MARCHF11: variants seen among roughly 807,000 people sequenced by gnomAD.
MARCHF11 encodes membrane associated ring-CH-type finger 11, also known as E3 ubiquitin-protein ligase MARCHF11.
A neutral mutation model predicts 37.3 loss-of-function variants in MARCHF11; 29 were observed. The observed-to-expected ratio is 0.78, with a 90% confidence interval of 0.58 to 1.06. The LOEUF is 1.06. Among genes scored for constraint, MARCHF11 ranks in the 50% least tolerant of loss-of-function variants. The pLI, the probability that MARCHF11 is intolerant of heterozygous loss-of-function variation, is 0.00. For synonymous variants in MARCHF11, 233 were observed against 228.0 expected (o/e 1.02, Z -0.20); for missense variants, 482 against 533.4 (o/e 0.90, Z 0.95).
chr5:16,179,618 C>T lies in MARCHF11; in HGVS notation c.-43G>A. On this transcript the variant is annotated 5_prime_UTR_variant, in exon 1 of 4. Transcript: ENST00000332432. ...CCTCCTGCCGGCCCGGCTGGCGGGC[C>T]GGGCTCTGGCTGCAGGGAAAGAGAG... The T allele has an allele frequency of 2.0e-6, 2 of 997,180 alleles. No individual in the cohort carries two copies. Among genetic ancestry groups the T allele is most frequent in the Non-Finnish European group, 2.4e-6 (2 of 840,780 alleles). 61.8% of individuals were successfully genotyped at this position (997,180 alleles called of 1,614,324 possible).
intron 3 of MARCHF11, among the ~76,000 whole-genome samples, chr5:16,070,953 CCT>C (rs972779627): frequency 1.3e-5 from 2 of 152,130 alleles, no homozygotes; most frequent in African/African-American, 2.4e-5. Context: ...CATTTTTCCC[CCT>C]TTTTCTTTAA....
chr5:16,152,278 G>C (rs1737902226), intron 2 of MARCHF11, among the ~76,000 whole-genome samples: 1 of 151,880 alleles, frequency 6.6e-6, no homozygotes, highest in African/African-American at 2.4e-5. Context: ...TTAAAGAACT[G>C]TTCCCATTTC....
chr5:16,177,956 T>C, intron 1 of MARCHF11, 75 bp from the exon 2 acceptor site: 2 of 1,425,070 alleles, frequency 1.4e-6, no homozygotes, highest in Non-Finnish European at 1.9e-6. Context: ...TCCTTTCTTT[T>C]CTTTCAAAGC....
intron 3 of MARCHF11, among the ~76,000 whole-genome samples, chr5:16,075,167 G>A (rs1226436235): frequency 6.6e-6 from 1 of 152,142 alleles, no homozygotes. Flanking sequence ...CATCCCCCAC[G>A]TCAATTAAAC....
chr5:16,160,540 T>A lies in MARCHF11; in HGVS notation c.693+17186A>T, dbSNP rs185872030. Among the ~76,000 whole-genome samples, 344 of 151,242 alleles carry A rather than the reference T, an allele frequency of 2.3e-3. 3 individuals carry two copies. Among genetic ancestry groups the A allele is most frequent in the African/African-American group, 8.0e-3 (331 of 41,438 alleles). Reference sequence around the variant, plus strand: ...ATACATTGGACAATCAACATTTGAATGTACTATGATAACTTTAAATGGATT... The same window carrying A: ...ATACATTGGACAATCAACATTTGAAAGTACTATGATAACTTTAAATGGATT... On this transcript the variant is annotated intron_variant, in intron 2 of 3. Transcript: ENST00000332432.
intron 2 of MARCHF11, among the ~76,000 whole-genome samples, chr5:16,117,921 T>C (rs895706254): frequency 1.3e-5 from 2 of 152,216 alleles, no homozygotes; most frequent in Non-Finnish European, 2.9e-5. Flanking sequence ...GGAGTACGCA[T>C]GCTACTCTAC....
intron 3 of MARCHF11, among the ~76,000 whole-genome samples, chr5:16,075,454 T>C (rs11748593): frequency 0.47 from 70,825 of 152,028 alleles, 18,212 homozygotes; most frequent in East Asian, 0.65. Context: ...TGTACTATAA[T>C]GATTTGCTTC....
chr5:16,093,081 CAATT>C (rs1219294930), intron 2 of MARCHF11, among the ~76,000 whole-genome samples: 1 of 152,130 alleles, frequency 6.6e-6, no homozygotes, highest in East Asian at 1.9e-4. Flanking sequence ...TACCCTTTAG[CAATT>C]TATTAGTCAC....
chr5:16,179,373 G>T lies in MARCHF11; in HGVS notation c.203C>A (p.Pro68Gln). 2 of 1,164,686 alleles carry T rather than the reference G, an allele frequency of 1.7e-6. No individual in the cohort carries two copies. Among genetic ancestry groups the T allele is most frequent in the East Asian group, 4.0e-5 (1 of 25,214 alleles). 72.1% of individuals were successfully genotyped at this position (1,164,686 alleles called of 1,614,324 possible). ...GCACCGCGGGGCCACCTCCCCTAGC[G>T]GCTCGCTTGGCCCCGCGGCGCGCTC... Reference protein sequence around the residue: ...TPERAAGPSEPLGEVAPRCRG... With the variant: ...TPERAAGPSEQLGEVAPRCRG... Residue 68 changes from proline to glutamine, a missense_variant, in exon 1 of 4, where the codon CCG (proline) becomes CAG (glutamine). Coordinates refer to ENST00000332432, the MANE Select transcript of MARCHF11 (RefSeq NM_001102562.3).
chr5:16,133,067 T>C (rs139352939), intron 2 of MARCHF11, among the ~76,000 whole-genome samples: 25 of 151,278 alleles, frequency 1.7e-4, no homozygotes, highest in African/African-American at 6.2e-4. Flanking sequence ...AGAGATATCC[T>C]AAAATGATTT....
chr5:16,095,939 A>G (rs1353980772), intron 2 of MARCHF11, among the ~76,000 whole-genome samples: 1 of 151,700 alleles, frequency 6.6e-6, no homozygotes, highest in East Asian at 1.9e-4. Flanking sequence ...AGTTTCCACC[A>G]CTCATCCAAC....
chr5:16,123,608 G>T (rs180878266), intron 2 of MARCHF11, among the ~76,000 whole-genome samples: 211 of 152,220 alleles, frequency 1.4e-3, no homozygotes, highest in Non-Finnish European at 2.3e-3. Context: ...TTTATAGCTT[G>T]ATTTGGTTGC....
intron 2 of MARCHF11, among the ~76,000 whole-genome samples, chr5:16,106,766 T>TAC (rs1737048030): frequency 6.6e-6 from 1 of 152,164 alleles, no homozygotes; most frequent in Non-Finnish European, 1.5e-5. Context: ...ATAAACATCC[T>TAC]ACGATGGACA....
intron 2 of MARCHF11, among the ~76,000 whole-genome samples, chr5:16,142,452 C>T (rs1308383842): frequency 2.0e-5 from 3 of 152,136 alleles, no homozygotes; most frequent in Non-Finnish European, 4.4e-5. Context: ...AAGTAGACAG[C>T]TCGCAGGGTA....
At chr5:16,167,539 C>A (rs1295249916) in intron 2 of MARCHF11, among the ~76,000 whole-genome samples, 1 of 152,086 alleles carries the variant, frequency 6.6e-6, no homozygotes, top group Non-Finnish European at 1.5e-5. Context: ...GGGAGGCCAT[C>A]TGCTTTCGAG....
chr5:16,076,159 C>T (rs1736514368), intron 3 of MARCHF11, among the ~76,000 whole-genome samples: 2 of 152,166 alleles, frequency 1.3e-5, no homozygotes, highest in Admixed American at 1.3e-4. Context: ...TTTAAAATTC[C>T]TTGTAGATGG....
At position 16,069,984 on chromosome 5, in the gene MARCHF11, G is replaced by T. The variant is rs367907999; in HGVS notation, c.887-2191C>A. ...TATATTAATATAGGCTACAAAAAAT[G>T]CATGTGGTCTAACAAGCAAACATAT... On this transcript the variant is annotated intron_variant, in intron 3 of 3. Transcript: ENST00000332432. Among the ~76,000 whole-genome samples, 5 of 152,136 alleles carry T rather than the reference G, an allele frequency of 3.3e-5. No individual in the cohort carries two copies. The East Asian group carries it at 5.8e-4, about 18-fold the overall frequency.
chr5:16,177,828 C>T lies in MARCHF11; in HGVS notation c.591G>A (p.Gln197=), dbSNP rs1738388038. ...CACTGATCCATTTTAGCAGGCACAG[C>T]TGATGTGTATACCGAACTGACCCAT... The part of the protein sequence containing the change: ...RCDGSVRYTH[Q]LCLLKWISER... Residue 197 remains glutamine (Q), a synonymous_variant, in exon 2 of 4, where the codon CAG becomes CAA. Coordinates refer to ENST00000332432, the MANE Select transcript of MARCHF11 (RefSeq NM_001102562.3). 1 of 1,613,622 alleles carries T rather than the reference C, an allele frequency of 6.2e-7. No individual in the cohort carries two copies. The highest frequency in any genetic ancestry group is 2.2e-5 in the East Asian group (1 of 44,858).
chr5:16,150,141 G>T (rs142507569), intron 2 of MARCHF11, among the ~76,000 whole-genome samples: 1 of 149,376 alleles, frequency 6.7e-6, no homozygotes, highest in East Asian at 1.9e-4. Flanking sequence ...ATACAGTTTA[G>T]ATTTATGCAC....
Sources: gnomAD v4.1 joint callset for allele counts (sites outside exome capture counted in the v4.1 genomes callset) on GRCh38, gnomAD v4.1.1 for gene constraint, MANE v1.5 for transcripts, NCBI Gene and HGNC (gene_info 2026-07-23, HGNC 2026-07-21) for gene names.